The following GRK2 variants were observed in gnomAD, a reference collection of about 807,000 sequenced individuals.
GRK2 encodes adrenergic beta receptor kinase 1.
In GRK2, 23 loss-of-function variants were observed where a neutral mutation model predicts 97.8. The ratio of observed to expected loss-of-function variants is 0.24; its 90% confidence interval spans 0.17 to 0.33. GRK2 has a LOEUF of 0.33. Among genes scored for constraint, GRK2 ranks in the 10% least tolerant of loss-of-function variants. The pLI, the probability that GRK2 is intolerant of heterozygous loss-of-function variation, is 1.00. For missense variants in GRK2, 633 were observed against 956.9 expected, an observed-to-expected ratio of 0.66 and a Z score of 4.47; for synonymous variants, 425 against 381.7, an observed-to-expected ratio of 1.11 and a Z score of -1.32.
Position 67,277,252 on chromosome 11 carries a change from T to C in GRK2, c.114-20T>C, listed in dbSNP as rs1860050480. On this transcript the variant is annotated intron_variant, in intron 1 of 20. Coordinates refer to ENST00000308595, the MANE Select transcript of GRK2 (RefSeq NM_001619.5). ...ACGGGCTCTGGGGGCTTCTGCTTACTGCGCCCCCCTGACCCACAGCATCCG... is the reference window on the plus strand; with the variant it reads ...ACGGGCTCTGGGGGCTTCTGCTTACCGCGCCCCCCTGACCCACAGCATCCG... 1 of 1,612,898 alleles carries C rather than the reference T, an allele frequency of 6.2e-7. No homozygotes were observed. Among genetic ancestry groups the C allele is most frequent in the African/African-American group, 1.3e-5 (1 of 75,048 alleles).
Position 67,282,706 on chromosome 11 carries a change from C to A in GRK2, c.1161-46C>A. ...TCATCCATGCTGCCTGCCTCCCTTTCCCCATTCCTGTCCTTTGACATTGGT... is the reference window on the plus strand; with the variant it reads ...TCATCCATGCTGCCTGCCTCCCTTTACCCATTCCTGTCCTTTGACATTGGT... On this transcript the variant is annotated intron_variant, in intron 13 of 20. Transcript: ENST00000308595. This position sits in a 1 kb window ranked among gnomAD's most constrained non-coding sequence, Gnocchi z 6.9. 1 of 1,604,856 alleles carries A rather than the reference C, an allele frequency of 6.2e-7. No individual in the cohort carries two copies. Among genetic ancestry groups the A allele is most frequent in the Non-Finnish European group, 8.5e-7 (1 of 1,175,560 alleles).
At position 67,282,062 on chromosome 11, in the gene GRK2, C is replaced by G. The variant is rs1860164540; in HGVS notation, c.957+110C>G. 7.0e-7 allele frequency: 1 copy of G among 1,431,280 alleles called. No homozygotes were observed. The highest frequency in any genetic ancestry group is 9.6e-7 in the Non-Finnish European group (1 of 1,041,654). 88.7% of individuals were successfully genotyped at this position (1,431,280 alleles called of 1,614,324 possible). On this transcript the variant is annotated intron_variant, in intron 11 of 20. Transcript: ENST00000308595. This position sits in a 1 kb window ranked among gnomAD's most constrained non-coding sequence, Gnocchi z 6.9. Reference sequence around the variant, plus strand: ...GTGGGGCTCCTGGGACATGGCCGCCCCGTATCTTCCCATCTCCGCCCCTGC... The same window carrying G: ...GTGGGGCTCCTGGGACATGGCCGCCGCGTATCTTCCCATCTCCGCCCCTGC...
chr11:67,270,687 A>G (rs1018449118), intron 1 of GRK2, among the ~76,000 whole-genome samples: 1 of 152,208 alleles, frequency 6.6e-6, no homozygotes, highest in East Asian at 1.9e-4. Flanking sequence ...TCTTTCCTGC[A>G]GTCACTCCCT....
At chr11:67,274,815 C>T (rs959471791) in intron 1 of GRK2, among the ~76,000 whole-genome samples, 3 of 152,134 alleles carry the variant, frequency 2.0e-5, no homozygotes, top group African/African-American at 4.8e-5. Context: ...ATGTCCTTGA[C>T]GGTGGCTGGT....
At position 67,274,201 on chromosome 11, in the gene GRK2, C is replaced by T. The variant is rs188587901; in HGVS notation, c.114-3071C>T. Among the ~76,000 whole-genome samples the T allele has an allele frequency of 4.0e-3, 610 of 152,102 alleles. 6 individuals are homozygous for T. The highest frequency in any genetic ancestry group is 0.014 in the African/African-American group (584 of 41,512). On this transcript the variant is annotated intron_variant, in intron 1 of 20. Coordinates refer to ENST00000308595, the MANE Select transcript of GRK2 (RefSeq NM_001619.5). ...CTAATTTTTGTATTTTCAGTAGAGA[C>T]GGGGTTTCACCATGTTGGTCAGGCT...
rs1194044349 is a variant in GRK2, at chr11:67,282,134, G to A, written c.958-137G>A. 15 of 1,202,146 alleles carry A rather than the reference G, an allele frequency of 1.2e-5. No homozygotes were observed. The East Asian group carries it at 3.1e-4, about 24-fold the overall frequency. The allele number at this position is 1,202,146 out of a possible 1,614,324, so 74.5% of individuals were successfully genotyped here. A position where few individuals can be genotyped will look rare whatever the true frequency, so the allele number is the denominator to read the frequency against. On this transcript the variant is annotated intron_variant, in intron 11 of 20. Transcript: ENST00000308595. This position sits in a 1 kb window ranked among gnomAD's most constrained non-coding sequence, Gnocchi z 6.9. ...TGGGTCCAGGTTGTAGCTGGGGACA[G>A]GAGAGAGGACCCCCACCTTTGCCCT...
At chr11:67,273,623 A>C (rs892252301) in intron 1 of GRK2, among the ~76,000 whole-genome samples, 1 of 150,370 alleles carries the variant, frequency 6.7e-6, no homozygotes, top group Non-Finnish European at 1.5e-5. Context: ...CCTTCCATTC[A>C]AGGACTCTGC....
chr11:67,282,688 T>C lies in GRK2; in HGVS notation c.1161-64T>C, dbSNP rs1036706494. ...CCTGACTTTGGCCACAGCTCATCCA[T>C]GCTGCCTGCCTCCCTTTCCCCATTC... On this transcript the variant is annotated intron_variant, in intron 13 of 20. Coordinates refer to ENST00000308595, the MANE Select transcript of GRK2 (RefSeq NM_001619.5). The surrounding 1 kb of genome is among the most constrained non-coding windows in gnomAD (Gnocchi z 6.9). 4 of 1,595,536 alleles carry C rather than the reference T, an allele frequency of 2.5e-6. No individual in the cohort carries two copies. In the African/African-American group the frequency reaches 4.0e-5, roughly 16 times the overall value.
In GRK2 at chr11:67,281,879, G is replaced by A. The variant is rs374978008; in HGVS notation, c.884G>A (p.Arg295His). 5.0e-6 allele frequency: 8 copies of A among 1,613,530 alleles called. No homozygotes were observed. Among genetic ancestry groups the A allele is most frequent in the Admixed American group, 1.7e-5 (1 of 60,000 alleles). ...QHGVFSEADM[R>H]FYAAEIILGL... ...GGGGTCTTCTCAGAGGCTGACATGC[G>A]CTTCTATGCGGCCGAGATCATCCTG... The change falls in exon 11 of 21, where the codon CGC becomes CAC. Residue 295 changes from arginine to histidine, a missense_variant. By Grantham distance (29) the Arg-to-His change is conservative (BLOSUM62 0). Transcript: ENST00000308595. This position sits in a 1 kb window ranked among gnomAD's most constrained non-coding sequence, Gnocchi z 5.7.
rs1238218606 is a variant in GRK2, at chr11:67,281,624, C to T, written c.748-26C>T. 1.5e-5 allele frequency: 22 copies of T among 1,500,848 alleles called. No homozygotes were observed. The highest frequency in any genetic ancestry group is 1.8e-5 in the Non-Finnish European group (19 of 1,077,538). The allele number at this position is 1,500,848 out of a possible 1,614,324, so 93.0% of individuals were successfully genotyped here. A position where few individuals can be genotyped will look rare whatever the true frequency, so the allele number is the denominator to read the frequency against. ...CCCGGGCGCCCCTGCTAACTGCCCG[C>T]CCCCTCCCCTCCTCTCCCCTCCTAG... On this transcript the variant is annotated intron_variant, in intron 9 of 20. Transcript: ENST00000308595. The surrounding 1 kb of genome is among the most constrained non-coding windows in gnomAD (Gnocchi z 5.7).
intron 1 of GRK2, among the ~76,000 whole-genome samples, chr11:67,274,460 C>T (rs1216606135): frequency 1.4e-5 from 2 of 142,180 alleles, no homozygotes; most frequent in Non-Finnish European, 3.0e-5. Context: ...CTGTCATCTG[C>T]ATCTGCCTGT....
chr11:67,275,841 C>T (rs1011747825), intron 1 of GRK2, among the ~76,000 whole-genome samples: 2 of 152,260 alleles, frequency 1.3e-5, no homozygotes. Context: ...GGCCTCCTCT[C>T]CTTCCCAAGG....
At chr11:67,270,848 G>A (rs1294258373) in intron 1 of GRK2, 1 of 152,272 alleles carries the variant, frequency 6.6e-6, no homozygotes, top group Admixed American at 6.5e-5. Flanking sequence ...GGGAGTGTGA[G>A]CAATGCAGGT....
intron 15 of GRK2, 176 bp from the exon 16 acceptor site, chr11:67,283,531 G>A (rs1324505231): frequency 1.5e-6 from 1 of 682,064 alleles, no homozygotes; most frequent in Non-Finnish European, 2.5e-6. Flanking sequence ...ATTTACCAGT[G>A]TTAAAACCCA....
At chr11:67,267,901 C>T (rs1859831350) in intron 1 of GRK2, among the ~76,000 whole-genome samples, 1 of 152,244 alleles carries the variant, frequency 6.6e-6, no homozygotes, top group Non-Finnish European at 1.5e-5. Flanking sequence ...ACCTGGCCAA[C>T]AGATCAGGGC....
At chr11:67,271,771 C>T (rs556880955) in intron 1 of GRK2, among the ~76,000 whole-genome samples, 6 of 152,344 alleles carry the variant, frequency 3.9e-5, no homozygotes, top group South Asian at 2.1e-4. Flanking sequence ...TTGGACCTGC[C>T]GGTTTGGGCT....
In GRK2 at chr11:67,266,726, C is replaced by T. The variant is rs758993559; in HGVS notation, c.27C>T (p.Ala9=). The change falls in exon 1 of 21, where the codon GCC becomes GCT. Residue 9 remains alanine (A), a synonymous_variant. Coordinates refer to ENST00000308595, the MANE Select transcript of GRK2 (RefSeq NM_001619.5). The stretch of plus-strand genomic sequence containing the variant: ...TGGCGGACCTGGAGGCGGTGCTGGC[C>T]GACGTGAGCTACCTGATGGCCATGG... MADLEAVL[A]DVSYLMAMEK... The T allele has an allele frequency of 3.0e-6, 4 of 1,330,290 alleles. No individual in the cohort carries two copies. The highest frequency in any genetic ancestry group is 3.1e-5 in the African/African-American group (2 of 64,966). The allele number at this position is 1,330,290 out of a possible 1,614,324, so 82.4% of individuals were successfully genotyped here.
chr11:67,273,966 C>CTCCCTGGCTCCTAGGTGGCCAT, intron 1 of GRK2, among the ~76,000 whole-genome samples: 1 of 151,350 alleles, frequency 6.6e-6, no homozygotes. Context: ...GCAGTGGCTA[C>CTCCCTGGCTCCTAGGTGGCCAT]TCCCTGGCTC....
Position 67,281,318 on chromosome 11 carries a change from C to A in GRK2, c.647+134C>A. On this transcript the variant is annotated intron_variant, in intron 8 of 20. Transcript: ENST00000308595. The surrounding 1 kb of genome is among the most constrained non-coding windows in gnomAD (Gnocchi z 5.7). ...CTTGCCGTGCTGTTACCCCCGCAGG[C>A]TCCTCTGGCCCCAGCCCTCCCTGTC... is the stretch of plus-strand genomic sequence containing the variant. 9.3e-7 allele frequency: 1 copy of A among 1,072,448 alleles called. No individual in the cohort carries two copies. The highest frequency in any genetic ancestry group is 1.4e-5 in the South Asian group (1 of 71,152). The allele number at this position is 1,072,448 out of a possible 1,614,324, so 66.4% of individuals were successfully genotyped here. A position where few individuals can be genotyped will look rare whatever the true frequency, so the allele number is the denominator to read the frequency against.
Sources: gnomAD v4.1 joint callset for allele counts (sites outside exome capture counted in the v4.1 genomes callset) on GRCh38, gnomAD v4.1.1 for gene constraint, Gnocchi (gnomAD v3.1) non-coding constraint, MANE v1.5 for transcripts, NCBI Gene and HGNC (gene_info 2026-07-23, HGNC 2026-07-21) for gene names.